DCAF8: variants seen among roughly 807,000 people sequenced by gnomAD.
The protein encoded by DCAF8 is DDB1- and CUL4-associated factor 8.
A neutral mutation model predicts 68.0 loss-of-function variants in DCAF8; 20 were observed. That is an observed-to-expected ratio of 0.29 (90% CI 0.21 to 0.43). The LOEUF (loss-of-function observed/expected upper bound fraction) is 0.43, where lower values mean the gene tolerates loss of function less well. DCAF8 is among the 20% of genes least tolerant of loss of function. The pLI, the probability that DCAF8 is intolerant of heterozygous loss-of-function variation, is 1.00. For synonymous variants in DCAF8, 230 were observed against 276.9 expected (o/e 0.83, Z 1.68); for missense variants, 460 against 771.0 (o/e 0.60, Z 4.78).
intron 3 of DCAF8, among the ~76,000 whole-genome samples, chr1:160,240,907 G>A (rs565982409): frequency 5.3e-5 from 8 of 152,332 alleles, no homozygotes; most frequent in South Asian, 2.1e-4. Context: ...GCTCACGCCT[G>A]TAATCCCAGC....
intron 12 of DCAF8, 53 bp from the exon 13 acceptor site, chr1:160,218,493 A>G (rs953368987): frequency 7.4e-7 from 1 of 1,351,802 alleles, no homozygotes; most frequent in African/African-American, 1.4e-5. Flanking sequence ...GGAACCCGGG[A>G]CCTGATCAAG....
At chr1:160,236,426 GTGTGTA>G (rs1002278525) in intron 6 of DCAF8, among the ~76,000 whole-genome samples, 1 of 150,560 alleles carries the variant, frequency 6.6e-6, no homozygotes, top group African/African-American at 2.5e-5. Context: ...ATATATGTGT[GTGTGTA>G]TGTGTGTGTG....
In DCAF8 at chr1:160,239,846, G is replaced by A. The variant is rs1368700121; in HGVS notation, c.574C>T (p.His192Tyr). Reference sequence around the variant, plus strand: ...TGCAGGGTATTGACACAACCAGTATGGCCCTCAAGCCCATGCTGCAGGCGG... The same window carrying A: ...TGCAGGGTATTGACACAACCAGTATAGCCCTCAAGCCCATGCTGCAGGCGG... ...RFRLQHGLEG[H>Y]TGCVNTLHFN... The change falls in exon 4 of 14, where the codon CAT (histidine) becomes TAT (tyrosine). Residue 192 changes from histidine to tyrosine, a missense_variant. By Grantham distance (83) the His-to-Tyr change is moderately conservative. This residue lies in a region of DCAF8 where 170 missense variants were observed against 318.2 expected (regional missense o/e 0.53). Transcript: ENST00000368074. 6.2e-7 allele frequency: 1 copy of A among 1,614,238 alleles called. No homozygotes were observed. The highest frequency in any genetic ancestry group is 8.5e-7 in the Non-Finnish European group (1 of 1,180,050).
chr1:160,218,527 AAAGCTTCCCTT>A (rs1655197936), intron 12 of DCAF8, 87 bp from the exon 13 acceptor site: 4 of 1,030,890 alleles, frequency 3.9e-6, no homozygotes, highest in Non-Finnish European at 4.5e-6. Flanking sequence ...TATCCCAATA[AAAGCTTCCCTT>A]AAGTTGAAGT....
intron 4 of DCAF8, chr1:160,239,088 T>C (rs1456308977): frequency 3.6e-6 from 3 of 837,786 alleles, no homozygotes; most frequent in African/African-American, 3.7e-5. Flanking sequence ...TAAATATAAA[T>C]TTGCTACAAA....
At chr1:160,221,442 A>C (rs1403286003) in intron 11 of DCAF8, among the ~76,000 whole-genome samples, 1 of 152,094 alleles carries the variant, frequency 6.6e-6, no homozygotes, top group African/African-American at 2.4e-5. Context: ...AACCATAAAA[A>C]CCCTAGATCT....
intron 2 of DCAF8, among the ~76,000 whole-genome samples, chr1:160,250,127 A>G (rs552421201): frequency 5.3e-4 from 81 of 152,290 alleles, no homozygotes; most frequent in African/African-American, 1.9e-3. Flanking sequence ...AAAAGGATAA[A>G]TTTTACTGTA....
At chr1:160,219,324 T>C (rs1404827402) in intron 11 of DCAF8, 4 of 184,376 alleles carry the variant, frequency 2.2e-5, no homozygotes, top group Non-Finnish European at 4.5e-5. Context: ...AAGCTCCAAC[T>C]TGCCCAAGGC....
At chr1:160,252,320 A>T (rs1656629886) in intron 2 of DCAF8, among the ~76,000 whole-genome samples, 1 of 152,268 alleles carries the variant, frequency 6.6e-6, no homozygotes, top group African/African-American at 2.4e-5. Context: ...GGTTGAACAG[A>T]GGAAAAGATT....
chr1:160,235,237 G>A (rs771519666), intron 6 of DCAF8, among the ~76,000 whole-genome samples: 15 of 151,900 alleles, frequency 9.9e-5, no homozygotes, highest in Non-Finnish European at 1.9e-4. Flanking sequence ...GGGCTCAAGC[G>A]ATTCTCCTGT....
chr1:160,238,653 C>T lies in DCAF8; in HGVS notation c.818G>A (p.Cys273Tyr). The change falls in exon 5 of 14, where the codon TGC (cysteine) becomes TAC (tyrosine). Residue 273 changes from cysteine (C) to tyrosine (Y), a missense_variant. Coordinates refer to ENST00000368074, the MANE Select transcript of DCAF8 (RefSeq NM_015726.4). ...RVAELSATQC[C>Y]KNTKRVAQHK... ...CTGGGCCACACGTTTTGTATTCTTG[C>T]AACACTGTGTGGCAGACAGTTCTGC... The T allele has an allele frequency of 6.2e-7, 1 of 1,613,670 alleles. No homozygotes were observed. The highest frequency in any genetic ancestry group is 1.1e-5 in the South Asian group (1 of 90,966).
At chr1:160,247,169 A>T (rs1484285189) in intron 2 of DCAF8, among the ~76,000 whole-genome samples, 1 of 152,160 alleles carries the variant, frequency 6.6e-6, no homozygotes, top group Non-Finnish European at 1.5e-5. Flanking sequence ...GGAAAAGCTG[A>T]TGAGCTCACT....
chr1:160,225,041 A>G, intron 9 of DCAF8, 21 bp downstream of exon 9: 1 of 1,613,488 alleles, frequency 6.2e-7, no homozygotes, highest in Non-Finnish European at 8.5e-7. Context: ...CCAGCCTAGG[A>G]GCTGGGCCCT....
intron 2 of DCAF8, among the ~76,000 whole-genome samples, chr1:160,248,875 G>C (rs943235127): frequency 1.3e-5 from 2 of 150,454 alleles, no homozygotes; most frequent in African/African-American, 2.5e-5. Context: ...TCCAGTCTAC[G>C]CAACAGAGTG....
chr1:160,258,603 A>C lies in DCAF8; in HGVS notation c.-27+2682T>G, dbSNP rs142513538. 7.8e-4 allele frequency among the ~76,000 whole-genome samples: 119 copies of C among 152,058 alleles called. 1 individual carries two copies. The highest frequency in any genetic ancestry group is 2.7e-3 in the African/African-American group (112 of 41,450). ...GCAAGTAAGACCTCATCTCTTTAAAAAAACAAACAAACAAAAAAAAAACAA... is the reference window on the plus strand; with the variant it reads ...GCAAGTAAGACCTCATCTCTTTAAACAAACAAACAAACAAAAAAAAAACAA... On this transcript the variant is annotated intron_variant, in intron 2 of 13. Coordinates refer to ENST00000368074, the MANE Select transcript of DCAF8 (RefSeq NM_015726.4).
At chr1:160,239,572 T>C in intron 4 of DCAF8, 125 bp downstream of exon 4, 1 of 1,595,492 alleles carries the variant, frequency 6.3e-7, no homozygotes. Flanking sequence ...GGAGCCAAAG[T>C]AGGGCCATGT....
chr1:160,262,531 C>T lies in DCAF8; in HGVS notation c.-183G>A. The T allele has an allele frequency of 5.0e-6, 2 of 399,088 alleles. No individual in the cohort carries two copies. Among genetic ancestry groups the T allele is most frequent in the Non-Finnish European group, 4.4e-6 (1 of 226,078 alleles). 24.7% of individuals were successfully genotyped at this position (399,088 alleles called of 1,614,324 possible). ...CCACGCTTTCCGGCCCCGTTTGCGA[C>T]GATGTGCTCGAGAAGACTGAGGGAA... On this transcript the variant is annotated 5_prime_UTR_variant, in exon 1 of 14. Coordinates refer to ENST00000368074, the MANE Select transcript of DCAF8 (RefSeq NM_015726.4).
rs1657081234 is a variant in DCAF8, at chr1:160,261,316, G to A, written c.-58C>T. 1 of 152,182 alleles carries A rather than the reference G, an allele frequency of 6.6e-6. No homozygotes were observed. The allele number at this position is 152,182 out of a possible 1,614,324, so 9.4% of individuals were successfully genotyped here. A position where few individuals can be genotyped will look rare whatever the true frequency, so the allele number is the denominator to read the frequency against. On this transcript the variant is annotated 5_prime_UTR_variant, in exon 2 of 14. Transcript: ENST00000368074. ...TCCTTTTATCACTGAAGTAAGGCCAGGCTGAGCTCCTGAGAAAATAGGTCT... is the reference window on the plus strand; with the variant it reads ...TCCTTTTATCACTGAAGTAAGGCCAAGCTGAGCTCCTGAGAAAATAGGTCT...
intron 2 of DCAF8, among the ~76,000 whole-genome samples, chr1:160,257,270 A>T (rs1571117026): frequency 8.1e-6 from 1 of 124,190 alleles, no homozygotes; most frequent in Admixed American, 7.5e-5. Context: ...AATCTGCTTT[A>T]AAAAAAAAAA....
Sources: gnomAD v4.1 joint callset for allele counts (sites outside exome capture counted in the v4.1 genomes callset) on GRCh38, gnomAD v4.1.1 for gene constraint, gnomAD v4.1.1 regional missense constraint, MANE v1.5 for transcripts, NCBI Gene and HGNC (gene_info 2026-07-23, HGNC 2026-07-21) for gene names.